SRGAP2C: variants seen among roughly 807,000 people sequenced by gnomAD.
SRGAP2C encodes the protein SLIT-ROBO Rho GTPase activating protein 2C.
A neutral mutation model predicts 25.1 loss-of-function variants in SRGAP2C; 15 were observed. That is an observed-to-expected ratio of 0.60 (90% CI 0.40 to 0.92). The LOEUF (loss-of-function observed/expected upper bound fraction) is 0.92, where lower values mean the gene tolerates loss of function less well. SRGAP2C is among the 40% of genes least tolerant of loss of function. The pLI, the probability that SRGAP2C is intolerant of heterozygous loss-of-function variation, is 0.00. For synonymous variants in SRGAP2C, 44 were observed against 96.6 expected (o/e 0.46, Z 3.19); for missense variants, 144 against 264.4 (o/e 0.54, Z 3.16).
At chr1:121,360,305 A>AATAT (rs1659162170) in intron 4 of SRGAP2C, 2 of 98,668 alleles carry the variant, frequency 2.0e-5, no homozygotes, top group South Asian at 8.6e-4. Context: ...ACCTCTCTAT[A>AATAT]AAAGTTTTGC....
chr1:121,286,274 T>C (rs1360300045), intron 3 of SRGAP2C, among the ~76,000 whole-genome samples: 3 of 116,070 alleles, frequency 2.6e-5, no homozygotes, highest in Admixed American at 2.6e-4. Context: ...AGAAATAAGG[T>C]CTTGCTCTGT....
intron 4 of SRGAP2C, among the ~76,000 whole-genome samples, chr1:121,351,610 A>T (rs1199383068): frequency 1.9e-5 from 2 of 104,704 alleles, no homozygotes; most frequent in African/African-American, 8.1e-5. Context: ...ACTCCATCTC[A>T]AAATAAATAA....
At chr1:121,320,895 C>T (rs1319162678) in intron 3 of SRGAP2C, among the ~76,000 whole-genome samples, 71 of 152,256 alleles carry the variant, frequency 4.7e-4, no homozygotes, top group African/African-American at 1.4e-3. Flanking sequence ...TACCCAACCA[C>T]GGTCTAACAT....
chr1:121,350,931 C>G (rs1553345570), intron 4 of SRGAP2C, among the ~76,000 whole-genome samples: 1 of 147,728 alleles, frequency 6.8e-6, no homozygotes, highest in African/African-American at 2.5e-5. Context: ...TAAAAATGGG[C>G]AAAAGACTTG....
chr1:121,303,874 T>C (rs1488339531), intron 3 of SRGAP2C, among the ~76,000 whole-genome samples: 1 of 150,866 alleles, frequency 6.6e-6, no homozygotes, highest in Non-Finnish European at 1.5e-5. Context: ...TTTCACTTAA[T>C]TGCTCAGTCC....
At chr1:121,303,532 G>C (rs1262783739) in intron 3 of SRGAP2C, among the ~76,000 whole-genome samples, 2 of 151,398 alleles carry the variant, frequency 1.3e-5, no homozygotes, top group Admixed American at 6.6e-5. Context: ...TTTTTTCAGA[G>C]AGCCTCGGTT....
chr1:121,225,788 T>G (rs1454572574), intron 2 of SRGAP2C, among the ~76,000 whole-genome samples: 4 of 146,820 alleles, frequency 2.7e-5, no homozygotes, highest in African/African-American at 1.0e-4. Context: ...CACTGCAACC[T>G]CTGCCTCCCA....
chr1:121,244,359 T>G (rs1315013944), intron 2 of SRGAP2C, among the ~76,000 whole-genome samples: 4 of 102,176 alleles, frequency 3.9e-5, no homozygotes, highest in South Asian at 3.0e-4. Context: ...TTATCGTGGG[T>G]TTTTTTTTTT....
chr1:121,212,375 T>C (rs1440303806), intron 2 of SRGAP2C, among the ~76,000 whole-genome samples: 14 of 152,030 alleles, frequency 9.2e-5, no homozygotes, highest in Admixed American at 6.6e-4. Flanking sequence ...CGTGATCTGC[T>C]TGCCTCGGCC....
chr1:121,201,029 CT>C (rs200543551), intron 2 of SRGAP2C, among the ~76,000 whole-genome samples: 40 of 115,510 alleles, frequency 3.5e-4, no homozygotes, highest in South Asian at 1.2e-3. Flanking sequence ...AAGGTTTCAT[CT>C]TTTTTTTTTT....
chr1:121,305,051 C>T (rs1657797405), intron 3 of SRGAP2C, among the ~76,000 whole-genome samples: 2 of 150,852 alleles, frequency 1.3e-5, no homozygotes, highest in Non-Finnish European at 3.0e-5. Flanking sequence ...TGAGAACAAA[C>T]CAACCATTTT....
chr1:121,297,969 G>C (rs2101582302), intron 3 of SRGAP2C, among the ~76,000 whole-genome samples: 1 of 149,866 alleles, frequency 6.7e-6, no homozygotes, highest in South Asian at 2.1e-4. Context: ...TGGTATATTA[G>C]ATACACTAGT....
chr1:121,365,452 G>A, intron 5 of SRGAP2C, 97 bp downstream of exon 5: 1 of 505,676 alleles, frequency 2.0e-6, no homozygotes, highest in South Asian at 1.9e-5. Context: ...CTGAACTGAG[G>A]TTGAAGGACA....
chr1:121,338,567 T>C (rs1383284720), intron 4 of SRGAP2C, among the ~76,000 whole-genome samples: 2 of 145,356 alleles, frequency 1.4e-5, no homozygotes, highest in African/African-American at 5.1e-5. Flanking sequence ...TTTCTTTTTT[T>C]TTTTTCCTTT....
chr1:121,192,293 G>A (rs1174276615), intron 2 of SRGAP2C, among the ~76,000 whole-genome samples: 21 of 151,828 alleles, frequency 1.4e-4, no homozygotes, highest in African/African-American at 5.1e-4. Context: ...AAAAGCTGCA[G>A]TAAAACATTT....
intron 3 of SRGAP2C, among the ~76,000 whole-genome samples, chr1:121,285,200 T>C (rs1657332582): frequency 6.6e-6 from 1 of 150,380 alleles, no homozygotes; most frequent in African/African-American, 2.4e-5. Flanking sequence ...TGATGAACCA[T>C]GCTAATAATA....
intron 2 of SRGAP2C, among the ~76,000 whole-genome samples, chr1:121,270,032 C>T (rs1352419303): frequency 6.7e-6 from 1 of 148,440 alleles, no homozygotes; most frequent in Non-Finnish European, 1.5e-5. Flanking sequence ...GGTCTTGGTG[C>T]CATATGTAGC....
intron 2 of SRGAP2C, among the ~76,000 whole-genome samples, chr1:121,239,430 G>A (rs1656070399): frequency 1.1e-5 from 1 of 89,706 alleles, no homozygotes; most frequent in Middle Eastern, 4.3e-3. Context: ...AGGCCTCTCT[G>A]AGGAGGTGAT....
At chr1:121,207,982 C>A (rs1177598807) in intron 2 of SRGAP2C, among the ~76,000 whole-genome samples, 20 of 151,838 alleles carry the variant, frequency 1.3e-4, no homozygotes, top group African/African-American at 4.1e-4. Context: ...TAGCTCTGAC[C>A]CTTGCCATCA....
Sources: allele counts gnomAD v4.1 joint callset (sites outside exome capture counted in the v4.1 genomes callset), GRCh38; gene constraint gnomAD v4.1.1; transcripts MANE v1.5; gene names NCBI Gene and HGNC (gene_info 2026-07-23, HGNC 2026-07-21).